DIP2C: variants seen among roughly 807,000 people sequenced by gnomAD.
DIP2C encodes the protein DIP2 acetate--CoA ligase C (putative).
Under a neutral mutation model 192.4 loss-of-function variants are expected in DIP2C, and 33 were observed. The ratio of observed to expected loss-of-function variants is 0.17; its 90% confidence interval spans 0.13 to 0.23. DIP2C has a LOEUF of 0.23. DIP2C is among the 10% of genes least tolerant of loss of function. DIP2C has a pLI of 1.00. For missense variants in DIP2C, 1,537 were observed against 2,110.1 expected, an observed-to-expected ratio of 0.73 and a Z score of 5.32; for synonymous variants, 979 against 864.1, an observed-to-expected ratio of 1.13 and a Z score of -2.33.
At chr10:370,018 C>T (rs1483664320) in intron 17 of DIP2C, 2 of 985,314 alleles carry the variant, frequency 2.0e-6, no homozygotes, top group Non-Finnish European at 2.4e-6. Context: ...TCTAGTTTTG[C>T]AAATGTCTGG....
At chr10:389,014 ATTCTCTGGGGG>A (rs1467999972) in intron 13 of DIP2C, among the ~76,000 whole-genome samples, 13 of 60,074 alleles carry the variant, frequency 2.2e-4, no homozygotes, top group East Asian at 1.8e-3. Flanking sequence ...GGCCACGGGG[ATTCTCTGGGGG>A]TTCTCTGGGG....
At chr10:619,072 G>A (rs781184299) in intron 1 of DIP2C, among the ~76,000 whole-genome samples, 2 of 152,152 alleles carry the variant, frequency 1.3e-5, no homozygotes, top group Non-Finnish European at 1.5e-5. Context: ...CCTGAGCTGT[G>A]TGGCAGGCGG....
At chr10:422,256 C>G (rs1564692587) in intron 5 of DIP2C, among the ~76,000 whole-genome samples, 1 of 152,194 alleles carries the variant, frequency 6.6e-6, no homozygotes, top group Non-Finnish European at 1.5e-5. Context: ...AGGCCCATCA[C>G]CGCTCCCCAC....
chr10:399,099 C>A lies in DIP2C; in HGVS notation c.1260+10G>T. ...TCAGCGAGAAACCGAGCAAAGGGCG[C>A]ATTCCTTACCTTCCTGGTGAGCGGC... On this transcript the variant is annotated intron_variant, in intron 10 of 36. Transcript: ENST00000280886. The A allele has an allele frequency of 6.2e-7, 1 of 1,608,772 alleles. No homozygotes were observed. Among genetic ancestry groups the A allele is most frequent in the Non-Finnish European group, 8.5e-7 (1 of 1,175,546 alleles).
chr10:345,184 C>T (rs1440059266), intron 26 of DIP2C, 74 bp from the exon 27 acceptor site: 1 of 1,336,354 alleles, frequency 7.5e-7, no homozygotes. Context: ...CACGGGTCTC[C>T]TGCTTACTAC....
At chr10:597,679 A>G (rs923379991) in intron 1 of DIP2C, among the ~76,000 whole-genome samples, 3 of 152,370 alleles carry the variant, frequency 2.0e-5, no homozygotes, top group East Asian at 1.9e-4. Context: ...AGAAATCATA[A>G]AAGTAGGCCT....
intron 1 of DIP2C, among the ~76,000 whole-genome samples, chr10:506,626 C>T (rs948644515): frequency 6.6e-6 from 1 of 152,218 alleles, no homozygotes; most frequent in Non-Finnish European, 1.5e-5. Flanking sequence ...CGCATGCCTA[C>T]ACCACCCTGC....
At chr10:528,244 A>T (rs1434329057) in intron 1 of DIP2C, among the ~76,000 whole-genome samples, 1 of 152,122 alleles carries the variant, frequency 6.6e-6, no homozygotes, top group Non-Finnish European at 1.5e-5. Context: ...TCACCAAGAC[A>T]TAAAAACAAA....
chr10:561,088 T>G (rs1051640299), intron 1 of DIP2C, among the ~76,000 whole-genome samples: 1 of 152,204 alleles, frequency 6.6e-6, no homozygotes, highest in Non-Finnish European at 1.5e-5. Flanking sequence ...CTTACATTTA[T>G]TTGATTGATG....
intron 1 of DIP2C, among the ~76,000 whole-genome samples, chr10:504,688 CTT>C (rs1199397445): frequency 6.6e-6 from 1 of 152,256 alleles, no homozygotes; most frequent in Non-Finnish European, 1.5e-5. Context: ...TGTTCTGTCA[CTT>C]TAACACTAAA....
At chr10:398,462 T>G (rs1458297793) in intron 10 of DIP2C, among the ~76,000 whole-genome samples, 3 of 152,220 alleles carry the variant, frequency 2.0e-5, no homozygotes, top group African/African-American at 7.2e-5. Flanking sequence ...ACATATGTCT[T>G]ACATGTATTG....
chr10:288,115 G>A (rs950490418), intron 33 of DIP2C, among the ~76,000 whole-genome samples: 4 of 152,178 alleles, frequency 2.6e-5, no homozygotes, highest in Non-Finnish European at 4.4e-5. Context: ...GCAGAACGAG[G>A]CTGAAGGCAC....
Position 348,771 on chromosome 10 carries a change from G to C in DIP2C, c.3110-9C>G, listed in dbSNP as rs746688867. On this transcript the variant is annotated splice_polypyrimidine_tract_variant and intron_variant, in intron 25 of 36. Coordinates refer to ENST00000280886, the MANE Select transcript of DIP2C (RefSeq NM_014974.3). The stretch of plus-strand genomic sequence containing the variant: ...TGCTATCAGGTCTATTCCTACACAA[G>C]GAGAGAAACATCATCATTGAAGCAG... 27 of 1,612,594 alleles carry C rather than the reference G, an allele frequency of 1.7e-5. No individual in the cohort carries two copies. Among genetic ancestry groups the C allele is most frequent in the Non-Finnish European group, 2.2e-5 (26 of 1,179,650 alleles).
intron 2 of DIP2C, among the ~76,000 whole-genome samples, chr10:473,990 T>G (rs187081900): frequency 6.6e-6 from 1 of 152,238 alleles, no homozygotes; most frequent in East Asian, 1.9e-4. Context: ...CTAAGTTTCA[T>G]GTGCTTTTCT....
intron 1 of DIP2C, among the ~76,000 whole-genome samples, chr10:556,771 C>T (rs569182185): frequency 5.3e-5 from 8 of 152,304 alleles, no homozygotes; most frequent in Admixed American, 2.0e-4. Flanking sequence ...CTTGATGCAT[C>T]AAGCGAAAGA....
At chr10:421,190 G>T (rs186279186) in intron 5 of DIP2C, among the ~76,000 whole-genome samples, 1 of 152,142 alleles carries the variant, frequency 6.6e-6, no homozygotes, top group Non-Finnish European at 1.5e-5. Context: ...GTGGTCACCC[G>T]AGAGTTACAT....
chr10:367,013 G>A (rs915043386), intron 18 of DIP2C, among the ~76,000 whole-genome samples: 10 of 152,222 alleles, frequency 6.6e-5, no homozygotes, highest in African/African-American at 1.9e-4. Context: ...TCAGAAGGGT[G>A]GAGTGTGCAT....
In DIP2C at chr10:662,782, C is replaced by A. The variant is rs941989524; in HGVS notation, c.85+26712G>T. On this transcript the variant is annotated intron_variant, in intron 1 of 36. Transcript: ENST00000280886. ...TCTTATTTCTCTTGTGTTGCCTATT[C>A]TCTTTTAGAAGAACCAAAACTGTGG... 26 of 697,246 alleles carry A rather than the reference C, an allele frequency of 3.7e-5. 1 individual carries two copies. The Middle Eastern group carries it at 1.4e-3, about 38-fold the overall frequency. 43.2% of individuals were successfully genotyped at this position (697,246 alleles called of 1,614,324 possible).
chr10:278,029 C>T (rs550030782), intron 36 of DIP2C, among the ~76,000 whole-genome samples: 2 of 152,308 alleles, frequency 1.3e-5, no homozygotes, highest in African/African-American at 2.4e-5. Flanking sequence ...GTGCGGAGGC[C>T]GAGGGCAGGG....
Sources: gnomAD v4.1 joint callset for allele counts (sites outside exome capture counted in the v4.1 genomes callset) on GRCh38, gnomAD v4.1.1 for gene constraint, MANE v1.5 for transcripts, NCBI Gene and HGNC (gene_info 2026-07-23, HGNC 2026-07-21) for gene names.